Variants in CDC42BPA observed in about 807,000 individuals in gnomAD.
The protein encoded by CDC42BPA is serine/threonine-protein kinase MRCK alpha.
A neutral mutation model predicts 223.5 loss-of-function variants in CDC42BPA; 80 were observed. The observed-to-expected ratio is 0.36, with a 90% CI of 0.30 to 0.43. The LOEUF (loss-of-function observed/expected upper bound fraction) is 0.43, where lower values mean the gene tolerates loss of function less well. Among genes scored for constraint, CDC42BPA ranks in the 20% least tolerant of loss-of-function variants. CDC42BPA has a pLI of 1.00. For synonymous variants in CDC42BPA, 694 were observed against 718.6 expected (o/e 0.97, Z 0.55); for missense variants, 1,743 against 2,099.9 (o/e 0.83, Z 3.32).
intron 1 of CDC42BPA, among the ~76,000 whole-genome samples, chr1:227,281,795 C>CCT (rs1688054190): frequency 6.6e-6 from 1 of 152,152 alleles, no homozygotes. Context: ...GAGTCCTGAA[C>CCT]CTCTGCACAT....
At chr1:227,063,785 A>G (rs1459487500) in intron 21 of CDC42BPA, among the ~76,000 whole-genome samples, 1 of 152,168 alleles carries the variant, frequency 6.6e-6, no homozygotes, top group African/African-American at 2.4e-5. Context: ...ATTCTCACAT[A>G]CAATTGACCA....
intron 15 of CDC42BPA, among the ~76,000 whole-genome samples, chr1:227,097,901 G>C (rs1417103716): frequency 6.6e-6 from 1 of 151,438 alleles, no homozygotes; most frequent in Non-Finnish European, 1.5e-5. Context: ...CCAAGTCAAA[G>C]GTTAAACACC....
intron 15 of CDC42BPA, among the ~76,000 whole-genome samples, chr1:227,099,107 T>A (rs1194297799): frequency 6.6e-6 from 1 of 152,166 alleles, no homozygotes; most frequent in Non-Finnish European, 1.5e-5. Context: ...AAACCTACTG[T>A]GCTGTCGGCA....
chr1:227,125,203 G>GAAA (rs34748267), intron 11 of CDC42BPA, among the ~76,000 whole-genome samples: 1 of 148,048 alleles, frequency 6.8e-6, no homozygotes, highest in Non-Finnish European at 1.5e-5. Context: ...AAACATCACA[G>GAAA]AAAAAAAAAA....
At chr1:227,080,757 T>C in intron 17 of CDC42BPA, 136 bp downstream of exon 17, 1 of 955,492 alleles carries the variant, frequency 1.0e-6, no homozygotes. Flanking sequence ...GTAATAAAAC[T>C]GTGCTTTTCA....
chr1:227,176,790 A>G (rs73088678), intron 5 of CDC42BPA, among the ~76,000 whole-genome samples: 3,009 of 152,222 alleles, frequency 0.02, 84 homozygotes, highest in African/African-American at 0.068. Flanking sequence ...CATGGAAACA[A>G]CATTCCTAAA....
chr1:227,080,072 TGTG>T (rs1680315869), intron 17 of CDC42BPA, among the ~76,000 whole-genome samples: 1 of 152,122 alleles, frequency 6.6e-6, no homozygotes, highest in African/African-American at 2.4e-5. Context: ...ATTTTCTACT[TGTG>T]GTGTCACGTC....
At position 227,217,138 on chromosome 1, in the gene CDC42BPA, T is replaced by A. The variant is rs1276028045; in HGVS notation, c.271-3919A>T. ...GCATATAGCAAGAATTCATTCACCA[T>A]ATCTCCTCTGTTCCAACCCATTCCA... On this transcript the variant is annotated intron_variant, in intron 2 of 36. Coordinates refer to ENST00000366766, the MANE Select transcript of CDC42BPA (RefSeq NM_001394014.1). Among the ~76,000 whole-genome samples, 5 of 152,274 alleles carry A rather than the reference T, an allele frequency of 3.3e-5. No homozygotes were observed. In the East Asian group the frequency reaches 9.7e-4, roughly 29 times the overall value.
At chr1:227,022,936 T>C (rs1667652651) in intron 32 of CDC42BPA, among the ~76,000 whole-genome samples, 1 of 152,226 alleles carries the variant, frequency 6.6e-6, no homozygotes, top group South Asian at 2.1e-4. Context: ...ATTTTAATGT[T>C]ACAAATTTTG....
intron 15 of CDC42BPA, among the ~76,000 whole-genome samples, chr1:227,098,934 C>T (rs1684489324): frequency 2.0e-5 from 3 of 150,688 alleles, no homozygotes. Context: ...TGCCATTAGT[C>T]CATAATGCAT....
At chr1:227,034,626 T>C (rs772520259) in intron 26 of CDC42BPA, 29 bp downstream of exon 26, 4 of 1,565,532 alleles carry the variant, frequency 2.6e-6, no homozygotes, top group Non-Finnish European at 2.6e-6. Context: ...GTTGCAATGA[T>C]ACAAATAATT....
At chr1:227,120,114 C>T (rs543959576) in intron 11 of CDC42BPA, among the ~76,000 whole-genome samples, 177 bp from the exon 12 acceptor site, 7 of 150,488 alleles carry the variant, frequency 4.7e-5, no homozygotes, top group Admixed American at 1.3e-4. Flanking sequence ...ACTGTAAAGA[C>T]GGTGAATGGT....
At chr1:227,297,964 A>G (rs928806477) in intron 1 of CDC42BPA, among the ~76,000 whole-genome samples, 3 of 108,344 alleles carry the variant, frequency 2.8e-5, no homozygotes, top group East Asian at 5.5e-4. Flanking sequence ...GTATATATAC[A>G]TATACACACA....
At chr1:227,097,798 C>A (rs1684285275) in intron 15 of CDC42BPA, among the ~76,000 whole-genome samples, 1 of 152,202 alleles carries the variant, frequency 6.6e-6, no homozygotes, top group Non-Finnish European at 1.5e-5. Context: ...ACTGTGCATG[C>A]AGCCCCTCCC....
At chr1:227,022,870 C>A (rs191443542) in intron 32 of CDC42BPA, among the ~76,000 whole-genome samples, 1 of 152,178 alleles carries the variant, frequency 6.6e-6, no homozygotes, top group South Asian at 2.1e-4. Context: ...GCCCTGTACA[C>A]TGGCAGAAGA....
At chr1:227,308,371 A>G (rs1455258520) in intron 1 of CDC42BPA, among the ~76,000 whole-genome samples, 5 of 152,022 alleles carry the variant, frequency 3.3e-5, no homozygotes, top group African/African-American at 1.2e-4. Flanking sequence ...TTAGCCAGGC[A>G]TGGCAGCGTG....
At chr1:227,133,012 C>T (rs1417679635) in intron 10 of CDC42BPA, among the ~76,000 whole-genome samples, 4 of 151,390 alleles carry the variant, frequency 2.6e-5, no homozygotes, top group Non-Finnish European at 5.9e-5. Flanking sequence ...CATCTCCGCC[C>T]GGCAGCCACC....
intron 3 of CDC42BPA, among the ~76,000 whole-genome samples, chr1:227,208,784 C>T (rs1180951024): frequency 3.3e-5 from 5 of 152,174 alleles, no homozygotes; most frequent in Middle Eastern, 3.4e-3. Flanking sequence ...TGAAGTCAGG[C>T]AGTGTGATGC....
chr1:227,146,717 C>G (rs1483003103), intron 7 of CDC42BPA, among the ~76,000 whole-genome samples: 1 of 152,048 alleles, frequency 6.6e-6, no homozygotes, highest in Non-Finnish European at 1.5e-5. Context: ...GTTCTGTGAT[C>G]ATAAATAACG....
Sources: gnomAD v4.1 joint callset for allele counts (sites outside exome capture counted in the v4.1 genomes callset) on GRCh38, gnomAD v4.1.1 for gene constraint, MANE v1.5 for transcripts, NCBI Gene and HGNC (gene_info 2026-07-23, HGNC 2026-07-21) for gene names.